The following CHD1 variants were observed in gnomAD, a reference collection of about 807,000 sequenced individuals.
CHD1 encodes chromodomain helicase DNA binding protein 1, also known as ATP-dependent chromatin remodeler CHD1.
A neutral mutation model predicts 224.2 loss-of-function variants in CHD1; 36 were observed. The ratio of observed to expected loss-of-function variants is 0.16; its 90% confidence interval spans 0.12 to 0.21. The LOEUF (loss-of-function observed/expected upper bound fraction) is 0.21. Among genes scored for constraint, CHD1 ranks in the 10% least tolerant of loss-of-function variants. The pLI is 1.00. For missense variants in CHD1, 1,378 were observed against 1,994.8 expected (o/e 0.69, Z 5.89); for synonymous variants, 668 against 658.3 (o/e 1.01, Z -0.23).
At chr5:98,920,812 A>G (rs11952820) in intron 2 of CHD1, among the ~76,000 whole-genome samples, 18,694 of 151,546 alleles carry the variant, frequency 0.12, 1,820 homozygotes, top group African/African-American at 0.27. Context: ...AAAAAAAAAA[A>G]AGACAAATCT....
chr5:98,887,156 CG>C (rs1211950217), intron 17 of CHD1, among the ~76,000 whole-genome samples: 3 of 152,038 alleles, frequency 2.0e-5, no homozygotes, highest in African/African-American at 7.2e-5. Context: ...ATGGGAATTA[CG>C]TATCAATAAA....
chr5:98,878,133 C>T (rs1245117904), intron 23 of CHD1, among the ~76,000 whole-genome samples: 1 of 152,190 alleles, frequency 6.6e-6, no homozygotes, highest in African/African-American at 2.4e-5. Flanking sequence ...CAGGACCTAA[C>T]AGCCAAAACT....
At chr5:98,894,978 C>T (rs1470043674) in intron 12 of CHD1, among the ~76,000 whole-genome samples, 4 of 151,888 alleles carry the variant, frequency 2.6e-5, no homozygotes, top group Non-Finnish European at 2.9e-5. Flanking sequence ...TGCACCACCA[C>T]GCCCAGCTAA....
At chr5:98,872,260 T>C (rs1749405967) in intron 27 of CHD1, 59 bp from the exon 28 acceptor site, 5 of 1,548,586 alleles carry the variant, frequency 3.2e-6, no homozygotes, top group Non-Finnish European at 4.4e-6. Flanking sequence ...GAAAAATTAA[T>C]TTTGAAAAAC....
At chr5:98,920,272 C>A (rs1479587026) in intron 2 of CHD1, among the ~76,000 whole-genome samples, 3 of 152,040 alleles carry the variant, frequency 2.0e-5, no homozygotes, top group East Asian at 1.9e-4. Flanking sequence ...CTATCCCAAC[C>A]CTCTTGAAAG....
intron 24 of CHD1, 136 bp downstream of exon 24, chr5:98,876,262 C>T (rs1205655065): frequency 2.4e-6 from 2 of 819,066 alleles, no homozygotes; most frequent in East Asian, 4.9e-5. Flanking sequence ...AAAGCAGAAC[C>T]ACCCAATTCC....
rs1383134240 is a variant in CHD1 at position 98,868,575 on chromosome 5, G to C, written c.4168C>G (p.Pro1390Ala). The C allele has an allele frequency of 6.2e-7, 1 of 1,611,458 alleles. No homozygotes were observed. The highest frequency in any genetic ancestry group is 1.1e-5 in the South Asian group (1 of 90,450). ...RSKKSSVSDA[P>A]VHITASGEPV... is the part of the protein sequence containing the mutation. ...TCACCACTTGCCGTGATATGAACTG[G>C]AGCATCTGACACTGAAGATTTCTTG... Residue 1390 changes from proline to alanine, a missense_variant, in exon 31 of 36, where the codon CCA (proline) becomes GCA (alanine). By Grantham distance (27) the Pro-to-Ala change is conservative. Coordinates refer to ENST00000614616, the MANE Select transcript of CHD1 (RefSeq NM_001270.4).
At chr5:98,876,600 G>A (rs748863087) in intron 23 of CHD1, 42 bp from the exon 24 acceptor site, 1 of 1,546,182 alleles carries the variant, frequency 6.5e-7, no homozygotes, top group Non-Finnish European at 8.9e-7. Flanking sequence ...TGTAAAAACA[G>A]CTTGTATCTT....
intron 28 of CHD1, among the ~76,000 whole-genome samples, chr5:98,871,705 TTA>T (rs1286824733): frequency 6.6e-6 from 1 of 152,138 alleles, no homozygotes; most frequent in Admixed American, 6.5e-5. Flanking sequence ...TCTTTATATA[TTA>T]TATGATTGTA....
Position 98,865,801 on chromosome 5 carries a change from C to T in CHD1, c.4249-2215G>A, listed in dbSNP as rs75291270. Among the ~76,000 whole-genome samples the T allele has an allele frequency of 1.4e-3, 215 of 152,278 alleles. 1 individual carries two copies. Among genetic ancestry groups the T allele is most frequent in the African/African-American group, 5.1e-3 (210 of 41,560 alleles). ...AGGCCAGAAAGTCTGGCTACAGAGT[C>T]CACGTTTAAGAACTATTCCAGTCTT... On this transcript the variant is annotated intron_variant, in intron 31 of 35. Transcript: ENST00000614616.
rs776088178 is a variant in CHD1, at chr5:98,870,726, A to G, written c.3939T>C (p.Leu1313=). The change falls in exon 29 of 36, where the codon CTT becomes CTC. Residue 1313 remains leucine (L), a synonymous_variant. Coordinates refer to ENST00000614616, the MANE Select transcript of CHD1 (RefSeq NM_001270.4). ...QTRADYLIKL[L]SRDLAKKEAL... ...CTTCTTTTTTTGCAAGATCTCTACTAAGTAATTTGATGAGGTAGTCTGCAC... is the reference window on the plus strand; with the variant it reads ...CTTCTTTTTTTGCAAGATCTCTACTGAGTAATTTGATGAGGTAGTCTGCAC... 2 of 1,611,204 alleles carry G rather than the reference A, an allele frequency of 1.2e-6. No homozygotes were observed. The highest frequency in any genetic ancestry group is 2.2e-5 in the South Asian group (2 of 90,666).
chr5:98,876,377 G>A (rs1008997271), intron 24 of CHD1, 21 bp downstream of exon 24: 8 of 1,602,772 alleles, frequency 5.0e-6, no homozygotes, highest in Middle Eastern at 1.7e-4. Flanking sequence ...AAGTTGAAGC[G>A]ATTGTCTTAT....
At chr5:98,858,080 T>C in intron 35 of CHD1, 100 bp downstream of exon 35, 2 of 834,300 alleles carry the variant, frequency 2.4e-6, no homozygotes. Flanking sequence ...TTGTTTTGAC[T>C]GCATGAAGAT....
At chr5:98,879,495 T>C in intron 23 of CHD1, 57 bp downstream of exon 23, 2 of 1,486,150 alleles carry the variant, frequency 1.3e-6, no homozygotes, top group Non-Finnish European at 1.8e-6. Flanking sequence ...ACAAACAAAA[T>C]CAGCCCAGGT....
chr5:98,876,356 C>G (rs1749756243), intron 24 of CHD1, 42 bp downstream of exon 24: 1 of 1,587,262 alleles, frequency 6.3e-7, no homozygotes, highest in Non-Finnish European at 8.6e-7. Context: ...GTTTCACACT[C>G]TACTAAAACC....
intron 31 of CHD1, among the ~76,000 whole-genome samples, chr5:98,867,019 T>A (rs1335565493): frequency 1.3e-5 from 2 of 152,176 alleles, no homozygotes; most frequent in Admixed American, 6.5e-5. Flanking sequence ...AAACTTTACA[T>A]GTACCAATTC....
rs1041666419 is a variant in CHD1 at position 98,855,410 on chromosome 5, T to A, written c.*970A>T. ...CGTTTTGGATTCTGAAAAGTGTTTA[T>A]ACACCTACCCTTTTAAACCAGATGC... On this transcript the variant is annotated 3_prime_UTR_variant, in exon 36 of 36. Transcript: ENST00000614616. The A allele has an allele frequency of 6.6e-6, 1 of 152,592 alleles. No homozygotes were observed. Among genetic ancestry groups the A allele is most frequent in the African/African-American group, 2.4e-5 (1 of 41,442 alleles). 9.5% of individuals were successfully genotyped at this position (152,592 alleles called of 1,614,324 possible).
rs752837399 is a variant in CHD1, at chr5:98,876,545, C to A, written c.3251G>T (p.Gly1084Val). 1 of 1,613,452 alleles carries A rather than the reference C, an allele frequency of 6.2e-7. No homozygotes were observed. The highest frequency in any genetic ancestry group is 8.5e-7 in the Non-Finnish European group (1 of 1,179,602). ...RNCAKQISFNGSEGRRSRSRR... is the reference protein window; with the variant it reads ...RNCAKQISFNVSEGRRSRSRR... ...ACTTCTACTGCGCCTCCCTTCACTTCCATTGAAACTAATCTGGAATTGGAA... is the reference window on the plus strand; with the variant it reads ...ACTTCTACTGCGCCTCCCTTCACTTACATTGAAACTAATCTGGAATTGGAA... The change falls in exon 24 of 36, where the codon GGA becomes GTA. Residue 1084 changes from glycine to valine, a missense_variant. Gly to Val is a moderately radical substitution (Grantham distance 109). Coordinates refer to ENST00000614616, the MANE Select transcript of CHD1 (RefSeq NM_001270.4).
Position 98,901,239 on chromosome 5 carries a change from T to G in CHD1, c.534A>C (p.Thr178=). ...TGTTTTTTGGCTCATAATCAGATTC[T>G]GTTTCATCACAACTGCTTTTCTCTC... is the stretch of plus-strand genomic sequence containing the variant. ...EEREKSSCDE[T]ESDYEPKNKV... Residue 178 remains threonine, a synonymous_variant, in exon 6 of 36, where the codon ACA becomes ACC. Coordinates refer to ENST00000614616, the MANE Select transcript of CHD1 (RefSeq NM_001270.4). The G allele has an allele frequency of 6.2e-7, 1 of 1,614,004 alleles. No individual in the cohort carries two copies. Among genetic ancestry groups the G allele is most frequent in the East Asian group, 2.2e-5 (1 of 44,842 alleles).
Sources: allele counts gnomAD v4.1 joint callset (sites outside exome capture counted in the v4.1 genomes callset), GRCh38; gene constraint gnomAD v4.1.1; transcripts MANE v1.5; gene names NCBI Gene and HGNC (gene_info 2026-07-23, HGNC 2026-07-21).